RIC8B: variants seen among roughly 807,000 people sequenced by gnomAD.
The protein encoded by RIC8B is chaperone Ric-8B.
A neutral mutation model predicts 57.5 loss-of-function variants in RIC8B; 16 were observed. The ratio of observed to expected loss-of-function variants is 0.28; its 90% confidence interval spans 0.19 to 0.42. RIC8B has a LOEUF of 0.42. RIC8B is among the 10% of genes least tolerant of loss of function. RIC8B has a pLI of 1.00. For missense variants in RIC8B, 481 were observed against 677.0 expected, an observed-to-expected ratio of 0.71 and a Z score of 3.21; for synonymous variants, 216 against 250.8, an observed-to-expected ratio of 0.86 and a Z score of 1.31.
At chr12:106,832,709 T>C (rs2046409905) in intron 4 of RIC8B, among the ~76,000 whole-genome samples, 1 of 152,190 alleles carries the variant, frequency 6.6e-6, no homozygotes, top group South Asian at 2.1e-4. Flanking sequence ...AGATAGATGA[T>C]CTTGCTGACC....
intron 3 of RIC8B, among the ~76,000 whole-genome samples, chr12:106,817,634 A>G (rs576981818): frequency 3.4e-4 from 51 of 152,056 alleles, no homozygotes; most frequent in African/African-American, 1.2e-3. Context: ...CCTGGCTAAC[A>G]CGGTGAAACC....
At chr12:106,806,700 C>T (rs922051973) in intron 2 of RIC8B, among the ~76,000 whole-genome samples, 3 of 151,908 alleles carry the variant, frequency 2.0e-5, no homozygotes, top group African/African-American at 7.3e-5. Flanking sequence ...CCTGGTGGTG[C>T]GCGCGTGTAA....
chr12:106,832,680 G>C (rs1159927488), intron 4 of RIC8B, among the ~76,000 whole-genome samples: 1 of 152,114 alleles, frequency 6.6e-6, no homozygotes, highest in Non-Finnish European at 1.5e-5. Flanking sequence ...ATAAATATTA[G>C]TTGGATGAAG....
chr12:106,849,466 T>A (rs547172148), intron 6 of RIC8B, among the ~76,000 whole-genome samples: 44 of 140,122 alleles, frequency 3.1e-4, no homozygotes, highest in African/African-American at 1.0e-3. Context: ...AATTAAAAAT[T>A]AAAAAAAAAA....
chr12:106,881,884 C>G (rs926619022), intron 9 of RIC8B, among the ~76,000 whole-genome samples: 2 of 152,198 alleles, frequency 1.3e-5, no homozygotes, highest in Non-Finnish European at 2.9e-5. Flanking sequence ...AAATGATCCT[C>G]TCCTTCTACT....
Position 106,879,544 on chromosome 12 carries a change from A to C in RIC8B, c.1572-6360A>C, listed in dbSNP as rs572507637. 93 of 985,070 alleles carry C rather than the reference A, an allele frequency of 9.4e-5. No homozygotes were observed. The South Asian group carries it at 2.2e-3, about 23-fold the overall frequency. 61.0% of individuals were successfully genotyped at this position (985,070 alleles called of 1,614,324 possible). On this transcript the variant is annotated intron_variant, in intron 9 of 9. Transcript: ENST00000392837. This position sits in a 1 kb window ranked among gnomAD's most constrained non-coding sequence, Gnocchi z 4.9. ...GTTAAAATATATCTGGAAAAAAAAA[A>C]CAGACCAGAATATTTTAAATATGGT...
chr12:106,854,305 T>C (rs759282440), intron 7 of RIC8B, among the ~76,000 whole-genome samples: 4 of 151,620 alleles, frequency 2.6e-5, no homozygotes, highest in Non-Finnish European at 4.4e-5. Flanking sequence ...GGTTTGGAGG[T>C]AGACTATTAA....
chr12:106,833,487 G>C (rs1395489872), intron 4 of RIC8B, among the ~76,000 whole-genome samples: 2 of 152,104 alleles, frequency 1.3e-5, no homozygotes, highest in African/African-American at 4.8e-5. Context: ...TGTAATCCCA[G>C]CTACTTGGGA....
intron 2 of RIC8B, among the ~76,000 whole-genome samples, chr12:106,785,381 G>A (rs2043958450): frequency 6.6e-6 from 1 of 152,046 alleles, no homozygotes; most frequent in Non-Finnish European, 1.5e-5. Context: ...AGCCTCCTCT[G>A]ACATTCCAGT....
chr12:106,882,187 C>T (rs982231879), intron 9 of RIC8B, among the ~76,000 whole-genome samples: 9 of 152,176 alleles, frequency 5.9e-5, no homozygotes, highest in South Asian at 4.1e-4. Context: ...GGGACAGGAA[C>T]GACAATTTGT....
rs893501605 is a variant in RIC8B, at chr12:106,889,116, T to G, written c.*3101T>G. 5 of 152,188 alleles carry G rather than the reference T, an allele frequency of 3.3e-5. No individual in the cohort carries two copies. In the East Asian group the frequency reaches 9.7e-4, roughly 29 times the overall value. 9.4% of individuals were successfully genotyped at this position (152,188 alleles called of 1,614,324 possible). A position where few individuals can be genotyped will look rare whatever the true frequency, so the allele number is the denominator to read the frequency against. ...GTTTGGAAAATGCAGAAAATAAAAT[T>G]AATAATTTACCCCAAATCCCACCAT... On this transcript the variant is annotated 3_prime_UTR_variant, in exon 10 of 10. Transcript: ENST00000392837.
At chr12:106,819,576 A>G (rs890476844) in intron 3 of RIC8B, among the ~76,000 whole-genome samples, 1 of 151,810 alleles carries the variant, frequency 6.6e-6, no homozygotes, top group Non-Finnish European at 1.5e-5. Flanking sequence ...ACATAGTGAG[A>G]CCTGATCTCT....
At chr12:106,793,158 A>G (rs978194204) in intron 2 of RIC8B, among the ~76,000 whole-genome samples, 4 of 152,186 alleles carry the variant, frequency 2.6e-5, no homozygotes, top group Non-Finnish European at 5.9e-5. Flanking sequence ...GTGGCGGAAC[A>G]TGGTTCCACC....
At chr12:106,825,908 A>G in intron 4 of RIC8B, 88 bp downstream of exon 4, 1 of 851,672 alleles carries the variant, frequency 1.2e-6, no homozygotes, top group East Asian at 2.6e-5. Context: ...TTATAAGCAC[A>G]AGAAAGTGAA....
In RIC8B at chr12:106,845,474, T is replaced by G. The variant is rs529618602; in HGVS notation, c.1161+1527T>G. ...TCTGCATCTATACTGCCATATCCCT[T>G]GTATTCCCATCTGTCACAATGGATG... On this transcript the variant is annotated intron_variant, in intron 6 of 9. Coordinates refer to ENST00000392837, the MANE Select transcript of RIC8B (RefSeq NM_001330145.2). Among the ~76,000 whole-genome samples, 20 of 152,328 alleles carry G rather than the reference T, an allele frequency of 1.3e-4. No individual in the cohort carries two copies. The East Asian group carries it at 2.1e-3, about 16-fold the overall frequency.
intron 6 of RIC8B, among the ~76,000 whole-genome samples, chr12:106,844,223 G>A (rs1949085214): frequency 6.6e-6 from 1 of 152,170 alleles, no homozygotes; most frequent in African/African-American, 2.4e-5. Context: ...GGGACAAAAA[G>A]TAAACAAATT....
chr12:106,794,778 G>A (rs2044403299), intron 2 of RIC8B, among the ~76,000 whole-genome samples: 1 of 152,112 alleles, frequency 6.6e-6, no homozygotes, highest in South Asian at 2.1e-4. Flanking sequence ...AATAAAACAA[G>A]TTCTTTAGAC....
chr12:106,794,831 G>A (rs2044406062), intron 2 of RIC8B, among the ~76,000 whole-genome samples: 3 of 152,300 alleles, frequency 2.0e-5, no homozygotes, highest in Non-Finnish European at 1.5e-5. Context: ...TCCACGTGAA[G>A]ATATAAAGAG....
chr12:106,825,736 A>G lies in RIC8B; in HGVS notation c.752A>G (p.His251Arg). 6.2e-7 allele frequency: 1 copy of G among 1,613,196 alleles called. No homozygotes were observed. Among genetic ancestry groups the G allele is most frequent in the Non-Finnish European group, 8.5e-7 (1 of 1,179,190 alleles). Residue 251 changes from histidine (H) to arginine (R), a missense_variant, in exon 4 of 10, where the codon CAT (histidine) becomes CGT (arginine). His to Arg is a conservative substitution (Grantham distance 29). This residue lies in a region of RIC8B where 421 missense variants were observed against 560.9 expected (regional missense o/e 0.75). Coordinates refer to ENST00000392837, the MANE Select transcript of RIC8B (RefSeq NM_001330145.2). ...TTTTATTTGCCATAGAGTGATTCTC[A>G]TCAGTTCCGTGTAATGGCAGCTGTC... is the stretch of plus-strand genomic sequence containing the variant. ...SWKVHKESDS[H>R]QFRVMAAVLR...
Sources: allele counts gnomAD v4.1 joint callset (sites outside exome capture counted in the v4.1 genomes callset), GRCh38; gene constraint gnomAD v4.1.1; regional missense constraint gnomAD v4.1.1; non-coding constraint Gnocchi (gnomAD v3.1); transcripts MANE v1.5; gene names NCBI Gene and HGNC (gene_info 2026-07-23, HGNC 2026-07-21).